CELF2: variants seen among roughly 807,000 people sequenced by gnomAD.
CELF2 encodes the protein CUG triplet repeat RNA-binding protein 2.
Under a neutral mutation model 62.6 loss-of-function variants are expected in CELF2, and 8 were observed. That is an observed-to-expected ratio of 0.13 (90% CI 0.07 to 0.23). The LOEUF is 0.23. CELF2 is among the 10% of genes least tolerant of loss of function. The pLI is 1.00. For synonymous variants in CELF2, 258 were observed against 250.0 expected, an observed-to-expected ratio of 1.03 and a Z score of -0.30; for missense variants, 333 against 671.0, an observed-to-expected ratio of 0.50 and a Z score of 5.56.
intron 1 of CELF2, among the ~76,000 whole-genome samples, chr10:11,044,014 C>G (rs951044923): frequency 6.6e-6 from 1 of 152,214 alleles, no homozygotes; most frequent in Non-Finnish European, 1.5e-5. Flanking sequence ...TGTGCTCGCT[C>G]TTCTCTCTGC....
At chr10:10,518,598 T>G in the CELF2 span, among the ~76,000 whole-genome samples, 1 of 152,190 alleles carries the variant, frequency 6.6e-6, no homozygotes, top group East Asian at 1.9e-4. Flanking sequence ...GCAGTAAAAT[T>G]CTTAATGAAA....
At chr10:10,964,956 C>T (rs995502861) in intron 2 of CELF2, among the ~76,000 whole-genome samples, 6 of 152,004 alleles carry the variant, frequency 3.9e-5, no homozygotes, top group Admixed American at 3.9e-4. Flanking sequence ...TTAGCCCTCA[C>T]GGTGGTAATA....
At chr10:10,483,889 G>C in the CELF2 span, among the ~76,000 whole-genome samples, 2 of 145,246 alleles carry the variant, frequency 1.4e-5, no homozygotes, top group African/African-American at 2.6e-5. Flanking sequence ...TCTCTCTCTC[G>C]TCTCTCTCTC....
intron 3 of CELF2, among the ~76,000 whole-genome samples, chr10:11,222,848 A>T (rs76970199): frequency 0.015 from 2,242 of 152,382 alleles, 68 homozygotes; most frequent in African/African-American, 0.051. Flanking sequence ...GAATGTAGAT[A>T]CGTTATCACA....
chr10:11,072,256 C>T (rs1471514314), intron 1 of CELF2, among the ~76,000 whole-genome samples: 1 of 152,078 alleles, frequency 6.6e-6, no homozygotes, highest in South Asian at 2.1e-4. Flanking sequence ...GGTTTTGTAC[C>T]TTCTCCTCCT....
the CELF2 span, among the ~76,000 whole-genome samples, chr10:10,646,341 C>G: frequency 6.6e-6 from 1 of 152,206 alleles, no homozygotes; most frequent in Non-Finnish European, 1.5e-5. Flanking sequence ...AAATGGAAAT[C>G]AACAAATCCA....
At chr10:10,582,089 G>T in the CELF2 span, among the ~76,000 whole-genome samples, 6 of 152,242 alleles carry the variant, frequency 3.9e-5, no homozygotes, top group Admixed American at 3.9e-4. Flanking sequence ...AGATTTCCAA[G>T]ATGTCCTTGT....
At chr10:10,943,599 T>TTCTG (rs2047293359) in intron 2 of CELF2, among the ~76,000 whole-genome samples, 1 of 152,032 alleles carries the variant, frequency 6.6e-6, no homozygotes. Flanking sequence ...CTTTTCTGTT[T>TTCTG]TTTGTTTGTT....
chr10:10,567,967 A>C, the CELF2 span, among the ~76,000 whole-genome samples: 1 of 152,182 alleles, frequency 6.6e-6, no homozygotes, highest in Non-Finnish European at 1.5e-5. Context: ...GCAATGAACA[A>C]AGCTGACCAC....
chr10:11,022,247 G>A (rs904013325), intron 1 of CELF2, among the ~76,000 whole-genome samples: 1 of 152,220 alleles, frequency 6.6e-6, no homozygotes, highest in African/African-American at 2.4e-5. Flanking sequence ...AACAGCACAT[G>A]TTATCAGCTG....
Position 11,110,993 on chromosome 10 carries a change from A to G in CELF2, c.75-54493A>G, listed in dbSNP as rs2055009922. Among the ~76,000 whole-genome samples, 1 of 152,230 alleles carries G rather than the reference A, an allele frequency of 6.6e-6. No individual in the cohort carries two copies. The highest frequency in any genetic ancestry group is 1.5e-5 in the Non-Finnish European group (1 of 68,008). ...AGAAGGGTTATAAGGTTGGAAGATA[A>G]TCAGCTCAGCCTCTCCCACTCTGAG... On this transcript the variant is annotated intron_variant, in intron 1 of 12. Coordinates refer to ENST00000633077, the MANE Select transcript of CELF2 (RefSeq NM_001326342.2). The surrounding 1 kb of genome is among the most constrained non-coding windows in gnomAD (Gnocchi z 4.0).
chr10:10,742,589 CAAA>C, the CELF2 span, among the ~76,000 whole-genome samples: 29,779 of 128,088 alleles, frequency 0.23, 3,226 homozygotes, highest in African/African-American at 0.34. Context: ...GACTTTGTTG[CAAA>C]AAAAAAAAAA....
chr10:11,264,075 G>A (rs1044687150), intron 5 of CELF2, among the ~76,000 whole-genome samples: 7 of 152,198 alleles, frequency 4.6e-5, no homozygotes, highest in African/African-American at 1.7e-4. Flanking sequence ...AGAATTAAAA[G>A]GTTAAAGAAG....
the CELF2 span, among the ~76,000 whole-genome samples, chr10:10,678,449 G>A: frequency 6.6e-6 from 1 of 152,084 alleles, no homozygotes; most frequent in African/African-American, 2.4e-5. Flanking sequence ...GATGATGGTG[G>A]TCTTTCCATG....
chr10:10,994,952 GCA>G (rs965423591), intron 2 of CELF2, among the ~76,000 whole-genome samples: 8 of 152,202 alleles, frequency 5.3e-5, no homozygotes, highest in Admixed American at 2.6e-4. Flanking sequence ...CCCAGTGAAG[GCA>G]CACCCTTCAA....
At chr10:10,949,524 G>A (rs2048068021) in intron 2 of CELF2, among the ~76,000 whole-genome samples, 1 of 152,134 alleles carries the variant, frequency 6.6e-6, no homozygotes, top group African/African-American at 2.4e-5. Context: ...AGGCATGGTG[G>A]CTCATGCCTG....
rs1270516211 is a variant in CELF2, at chr10:11,159,259, C to T, written c.75-6227C>T. Among the ~76,000 whole-genome samples, 2 of 152,188 alleles carry T rather than the reference C, an allele frequency of 1.3e-5. No homozygotes were observed. Among genetic ancestry groups the T allele is most frequent in the East Asian group, 1.9e-4 (1 of 5,202 alleles). ...ATATTTTTGGTGGCGTAACTGATAA[C>T]CAAAACATTTTGTTAAATTTACCCA... On this transcript the variant is annotated intron_variant, in intron 1 of 12. Transcript: ENST00000633077. The surrounding 1 kb of genome is among the most constrained non-coding windows in gnomAD (Gnocchi z 5.0).
chr10:10,558,544 C>T, the CELF2 span, among the ~76,000 whole-genome samples: 1 of 152,098 alleles, frequency 6.6e-6, no homozygotes, highest in East Asian at 1.9e-4. Context: ...ATGATGCTGG[C>T]CTCATAAAAT....
chr10:11,150,750 A>T (rs1028878003), intron 1 of CELF2, among the ~76,000 whole-genome samples: 8 of 152,298 alleles, frequency 5.3e-5, no homozygotes, highest in Non-Finnish European at 1.0e-4. Flanking sequence ...TAATCTGTTT[A>T]TTTCTCTCAC....
Sources: gnomAD v4.1 joint callset for allele counts (sites outside exome capture counted in the v4.1 genomes callset) on GRCh38, gnomAD v4.1.1 for gene constraint, Gnocchi (gnomAD v3.1) non-coding constraint, MANE v1.5 for transcripts, NCBI Gene and HGNC (gene_info 2026-07-23, HGNC 2026-07-21) for gene names.